Variants in IL1R1 observed in about 807,000 individuals in gnomAD.
The protein encoded by IL1R1 is interleukin 1 receptor type 1, also known as interleukin-1 receptor type 1.
In IL1R1, 22 loss-of-function variants were observed where a neutral mutation model predicts 50.2. That is an observed-to-expected ratio of 0.44 (90% CI 0.31 to 0.63). The LOEUF is 0.63. Among genes scored for constraint, IL1R1 ranks in the 20% least tolerant of loss-of-function variants. The pLI, the probability that IL1R1 is intolerant of heterozygous loss-of-function variation, is 0.07. For missense variants in IL1R1, 509 were observed against 676.2 expected (o/e 0.75, Z 2.74); for synonymous variants, 251 against 236.7 (o/e 1.06, Z -0.55).
chr2:102,167,362 T>C (rs1685269328), intron 6 of IL1R1, among the ~76,000 whole-genome samples: 1 of 152,042 alleles, frequency 6.6e-6, no homozygotes, highest in African/African-American at 2.4e-5. Flanking sequence ...GGTCTGTCTT[T>C]CCTGAAACAT....
At chr2:102,153,880 A>T (rs1032147052) in intron 1 of IL1R1, 61 bp from the exon 2 acceptor site, 5 of 152,474 alleles carry the variant, frequency 3.3e-5, no homozygotes, top group African/African-American at 2.4e-5. Context: ...AGATCCTCAC[A>T]GCAATTGGTG....
chr2:102,085,710 A>G (rs538804360), intron 1 of IL1R1, among the ~76,000 whole-genome samples: 3 of 152,170 alleles, frequency 2.0e-5, no homozygotes, highest in South Asian at 4.1e-4. Context: ...TTTTCATATG[A>G]ATTTTAAAAT....
At chr2:102,144,870 T>C (rs1030788011) in intron 1 of IL1R1, among the ~76,000 whole-genome samples, 20 of 152,142 alleles carry the variant, frequency 1.3e-4, no homozygotes, top group African/African-American at 4.8e-5. Context: ...AAGTTTGTGG[T>C]GTCCCTTGCC....
intron 1 of IL1R1, among the ~76,000 whole-genome samples, chr2:102,077,700 T>C (rs1559449868): frequency 6.6e-6 from 1 of 152,216 alleles, no homozygotes; most frequent in Non-Finnish European, 1.5e-5. Context: ...ATCGTAGGCA[T>C]TGTGAGTTTG....
chr2:102,161,183 T>G (rs1459822112), intron 3 of IL1R1, among the ~76,000 whole-genome samples: 1 of 152,230 alleles, frequency 6.6e-6, no homozygotes, highest in African/African-American at 2.4e-5. Flanking sequence ...TCTTTTTGAT[T>G]TCTTTGACTC....
At chr2:102,096,060 G>A (rs950922456) in intron 1 of IL1R1, among the ~76,000 whole-genome samples, 2 of 151,870 alleles carry the variant, frequency 1.3e-5, no homozygotes, top group Non-Finnish European at 2.9e-5. Flanking sequence ...TTCATTTTAC[G>A]TTTTGTTTTT....
At chr2:102,092,208 C>T (rs1285903359) in intron 1 of IL1R1, among the ~76,000 whole-genome samples, 1 of 152,068 alleles carries the variant, frequency 6.6e-6, no homozygotes, top group Non-Finnish European at 1.5e-5. Context: ...CAGAGGTCCT[C>T]TGTGTGGGTC....
At chr2:102,128,225 G>A (rs111682889) in intron 1 of IL1R1, among the ~76,000 whole-genome samples, 22 of 152,122 alleles carry the variant, frequency 1.4e-4, no homozygotes, top group Non-Finnish European at 2.6e-4. Flanking sequence ...CTCTTTACCC[G>A]AAAACTCCCT....
rs1429417982 is a variant in IL1R1, at chr2:102,125,754, A to G, written c.-84+20882A>G. Among the ~76,000 whole-genome samples, 3 of 152,214 alleles carry G rather than the reference A, an allele frequency of 2.0e-5. No individual in the cohort carries two copies. The East Asian group carries it at 5.8e-4, about 29-fold the overall frequency. On this transcript the variant is annotated intron_variant, in intron 1 of 10. Coordinates refer to the IL1R1 transcript ENST00000409329. Reference sequence around the variant, plus strand: ...GGTCTAATTAGTTGTCTGTGCTTCTAAAGGAAGACTGAGGAATGCGAAGAG... The same window carrying G: ...GGTCTAATTAGTTGTCTGTGCTTCTGAAGGAAGACTGAGGAATGCGAAGAG...
chr2:102,103,373 G>GTGC (rs1680233123), upstream of IL1R1, among the ~76,000 whole-genome samples: 1 of 152,074 alleles, frequency 6.6e-6, no homozygotes, highest in South Asian at 2.1e-4. Flanking sequence ...GGGCTGTGTC[G>GTGC]TGCTGAGTGG....
rs1358107428 is a variant in IL1R1, at chr2:102,171,814, A to G, written c.735A>G (p.Gln245=). 1 of 1,593,272 alleles carries G rather than the reference A, an allele frequency of 6.3e-7. No homozygotes were observed. The highest frequency in any genetic ancestry group is 1.3e-5 in the African/African-American group (1 of 74,576). The change falls in exon 8 of 12, where the codon CAA becomes CAG. Residue 245 remains glutamine, a synonymous_variant. Coordinates refer to ENST00000410023, the MANE Select transcript of IL1R1 (RefSeq NM_000877.4). ...CATTCTTTGCAGGATCCCAGATACA[A>G]TTGATCTGTAATGTCACCGGCCAGT... is the stretch of plus-strand genomic sequence containing the variant. The part of the protein sequence containing the change: ...TMEVDLGSQI[Q]LICNVTGQLS...
intron 6 of IL1R1, among the ~76,000 whole-genome samples, chr2:102,167,105 T>C (rs1307006625): frequency 6.6e-6 from 1 of 152,216 alleles, no homozygotes; most frequent in Admixed American, 6.5e-5. Flanking sequence ...TAGGGGTGAC[T>C]ATTAGTAGTT....
chr2:102,174,549 C>T (rs200588277), intron 9 of IL1R1, 38 bp from the exon 10 acceptor site: 1 of 1,482,494 alleles, frequency 6.7e-7, no homozygotes, highest in Non-Finnish European at 9.0e-7. Flanking sequence ...CTTTTTGGTT[C>T]TAATATTTTT....
At chr2:102,140,415 AG>A (rs1237820443), upstream of IL1R1, among the ~76,000 whole-genome samples, 1 of 152,256 alleles carries the variant, frequency 6.6e-6, no homozygotes, top group East Asian at 1.9e-4. Flanking sequence ...CTCAGGGGAC[AG>A]GGTCTCAGTT....
chr2:102,081,040 T>C (rs1458611838), intron 1 of IL1R1, among the ~76,000 whole-genome samples: 1 of 152,154 alleles, frequency 6.6e-6, no homozygotes, highest in Non-Finnish European at 1.5e-5. Context: ...AGTATATAGA[T>C]TGCCAGGGGC....
chr2:102,081,563 T>A (rs1679210122), intron 1 of IL1R1, among the ~76,000 whole-genome samples: 1 of 152,228 alleles, frequency 6.6e-6, no homozygotes, highest in Admixed American at 6.5e-5. Context: ...TCCTTCCCTG[T>A]CCTGGGGTCA....
intron 1 of IL1R1, among the ~76,000 whole-genome samples, chr2:102,105,711 G>A (rs1380701515): frequency 6.6e-6 from 1 of 152,126 alleles, no homozygotes; most frequent in African/African-American, 2.4e-5. Context: ...TTCATTTAAA[G>A]GTATAATGCA....
chr2:102,122,320 G>A (rs1681449788), intron 1 of IL1R1, among the ~76,000 whole-genome samples: 2 of 152,200 alleles, frequency 1.3e-5, no homozygotes, highest in Admixed American at 6.5e-5. Flanking sequence ...GACATGGAGA[G>A]ACTGCATTTC....
upstream of IL1R1, among the ~76,000 whole-genome samples, chr2:102,103,072 A>T (rs2104341181): frequency 6.6e-6 from 1 of 152,318 alleles, no homozygotes; most frequent in African/African-American, 2.4e-5. Context: ...GTTACAAAAA[A>T]ATCTGTAGAC....
Sources: gnomAD v4.1 joint callset for allele counts (sites outside exome capture counted in the v4.1 genomes callset) on GRCh38, gnomAD v4.1.1 for gene constraint, MANE v1.5 for transcripts, NCBI Gene and HGNC (gene_info 2026-07-23, HGNC 2026-07-21) for gene names.